The following CHST11 variants were observed in gnomAD, a reference collection of about 807,000 sequenced individuals.
CHST11 encodes C4S-1.
A neutral mutation model predicts 30.4 loss-of-function variants in CHST11; 9 were observed. That is an observed-to-expected ratio of 0.30 (90% CI 0.18 to 0.52). The LOEUF (loss-of-function observed/expected upper bound fraction) is 0.52, where lower values mean the gene tolerates loss of function less well. CHST11 is among the 20% of genes least tolerant of loss of function. The pLI, the probability that CHST11 is intolerant of heterozygous loss-of-function variation, is 0.97. For synonymous variants in CHST11, 152 were observed against 187.8 expected (o/e 0.81, Z 1.56); for missense variants, 348 against 460.6 (o/e 0.76, Z 2.24).
At chr12:104,475,688 A>ATATATATATATATATATATT (rs1555226434) in intron 1 of CHST11, among the ~76,000 whole-genome samples, 2,458 of 76,974 alleles carry the variant, frequency 0.032, 222 homozygotes, top group Non-Finnish European at 0.046. Flanking sequence ...ATATATATAT[A>ATATATATATATATATATATT]TATTTCTGAT....
intron 2 of CHST11, among the ~76,000 whole-genome samples, chr12:104,644,637 A>G (rs2136077379): frequency 6.6e-6 from 1 of 152,356 alleles, no homozygotes; most frequent in East Asian, 1.9e-4. Flanking sequence ...GAAGAGGGTC[A>G]GGTTTGGAGT....
Position 104,602,550 on chromosome 12 carries a change from A to C in CHST11, c.204+559A>C, listed in dbSNP as rs561621901. ...ATGAAAAGAGCTCCTCTTTGAGCAA[A>C]AGAAAAGCTCCAACCAAGGAAAAGT... is the stretch of plus-strand genomic sequence containing the variant. On this transcript the variant is annotated intron_variant, in intron 2 of 2. Coordinates refer to ENST00000303694, the MANE Select transcript of CHST11 (RefSeq NM_018413.6). Among the ~76,000 whole-genome samples, 6 of 152,324 alleles carry C rather than the reference A, an allele frequency of 3.9e-5. No individual in the cohort carries two copies. In the South Asian group the frequency reaches 1.2e-3, roughly 32 times the overall value.
At chr12:104,723,206 A>AT (rs2040192047) in intron 2 of CHST11, among the ~76,000 whole-genome samples, 1 of 152,170 alleles carries the variant, frequency 6.6e-6, no homozygotes, top group Non-Finnish European at 1.5e-5. Flanking sequence ...CAAGGACTGT[A>AT]TTTAATACTC....
At chr12:104,655,082 G>A (rs1206345940) in intron 2 of CHST11, among the ~76,000 whole-genome samples, 1 of 152,166 alleles carries the variant, frequency 6.6e-6, no homozygotes, top group Non-Finnish European at 1.5e-5. Context: ...ATGGAATTCT[G>A]GGAAACACTC....
chr12:104,524,383 C>T (rs2038103333), intron 1 of CHST11, among the ~76,000 whole-genome samples: 1 of 152,142 alleles, frequency 6.6e-6, no homozygotes, highest in Non-Finnish European at 1.5e-5. Flanking sequence ...GTGGGCTTTG[C>T]AGCTAGTTCA....
intron 1 of CHST11, among the ~76,000 whole-genome samples, chr12:104,554,745 C>T (rs11112099): frequency 6.6e-6 from 1 of 152,230 alleles, no homozygotes; most frequent in Admixed American, 6.5e-5. Flanking sequence ...GCTTCCATGA[C>T]TTAAAAACAG....
At chr12:104,558,258 C>T (rs923960060) in intron 1 of CHST11, among the ~76,000 whole-genome samples, 2 of 152,176 alleles carry the variant, frequency 1.3e-5, no homozygotes, top group Admixed American at 6.5e-5. Context: ...TCGCACCTGT[C>T]TGTGACTTGA....
intron 1 of CHST11, among the ~76,000 whole-genome samples, chr12:104,530,939 A>C (rs1474151640): frequency 6.6e-6 from 1 of 152,174 alleles, no homozygotes; most frequent in Non-Finnish European, 1.5e-5. Context: ...GTTCATTGAA[A>C]TTTCACGTGG....
intron 1 of CHST11, among the ~76,000 whole-genome samples, chr12:104,533,384 G>T (rs1194448096): frequency 2.0e-5 from 3 of 152,152 alleles, no homozygotes; most frequent in Admixed American, 2.0e-4. Context: ...GCTTTATCTT[G>T]GTTGCTGGCA....
intron 2 of CHST11, among the ~76,000 whole-genome samples, chr12:104,643,111 G>C (rs1485547298): frequency 2.6e-5 from 4 of 151,728 alleles, no homozygotes; most frequent in African/African-American, 9.7e-5. Context: ...ATCACTCGAG[G>C]CTGGGAGTTC....
chr12:104,562,510 A>G (rs560887024), intron 1 of CHST11, among the ~76,000 whole-genome samples: 1 of 152,312 alleles, frequency 6.6e-6, no homozygotes, highest in South Asian at 2.1e-4. Flanking sequence ...GCAAAACTCA[A>G]AAGTCTCCTC....
chr12:104,525,701 T>G (rs988032302), intron 1 of CHST11, among the ~76,000 whole-genome samples: 1 of 152,200 alleles, frequency 6.6e-6, no homozygotes, highest in Admixed American at 6.5e-5. Flanking sequence ...TGATTATTTT[T>G]AAGGGCAAAG....
At chr12:104,585,050 T>A (rs2038788568) in intron 1 of CHST11, among the ~76,000 whole-genome samples, 1 of 152,214 alleles carries the variant, frequency 6.6e-6, no homozygotes, top group Non-Finnish European at 1.5e-5. Flanking sequence ...GCTAATCCCC[T>A]CTTTAACTCT....
Position 104,515,036 on chromosome 12 carries a change from G to A in CHST11, c.118+57507G>A, listed in dbSNP as rs150730166. On this transcript the variant is annotated intron_variant, in intron 1 of 2. Coordinates refer to ENST00000303694, the MANE Select transcript of CHST11 (RefSeq NM_018413.6). ...ATGTGGTGTCGTATTATTGGATGAAGCATCTAAGTTCATGACTGAATCTAG... is the reference window on the plus strand; with the variant it reads ...ATGTGGTGTCGTATTATTGGATGAAACATCTAAGTTCATGACTGAATCTAG... Among the ~76,000 whole-genome samples the A allele has an allele frequency of 7.9e-5, 12 of 152,216 alleles. No homozygotes were observed. The East Asian group carries it at 2.3e-3, about 29-fold the overall frequency.
At chr12:104,537,411 T>C (rs1021239171) in intron 1 of CHST11, among the ~76,000 whole-genome samples, 6 of 152,146 alleles carry the variant, frequency 3.9e-5, no homozygotes, top group African/African-American at 1.4e-4. Context: ...GGCCAAGCAG[T>C]TAACAGGGTG....
chr12:104,731,174 G>A (rs754221891), intron 2 of CHST11, among the ~76,000 whole-genome samples: 3 of 152,168 alleles, frequency 2.0e-5, no homozygotes, highest in Middle Eastern at 3.2e-3. Flanking sequence ...AACCCTCATC[G>A]GAGGGCTAAC....
At chr12:104,530,018 G>T (rs911168624) in intron 1 of CHST11, among the ~76,000 whole-genome samples, 9 of 152,094 alleles carry the variant, frequency 5.9e-5, no homozygotes, top group Non-Finnish European at 1.5e-5. Context: ...AATTAGCTAG[G>T]CATGGTGGCA....
chr12:104,540,336 T>TA (rs1238805334), intron 1 of CHST11, among the ~76,000 whole-genome samples: 1 of 149,414 alleles, frequency 6.7e-6, no homozygotes, highest in African/African-American at 2.5e-5. Context: ...TTGGGAGCCA[T>TA]AAAAAAGAAT....
At chr12:104,703,514 TTTC>T (rs2040007424) in intron 2 of CHST11, among the ~76,000 whole-genome samples, 1 of 152,196 alleles carries the variant, frequency 6.6e-6, no homozygotes, top group Non-Finnish European at 1.5e-5. Context: ...GGCTGCCGTC[TTTC>T]TTCTCCAGTC....
Sources: allele counts gnomAD v4.1 joint callset (sites outside exome capture counted in the v4.1 genomes callset), GRCh38; gene constraint gnomAD v4.1.1; transcripts MANE v1.5; gene names NCBI Gene and HGNC (gene_info 2026-07-23, HGNC 2026-07-21).